The following NEGR1 variants were observed in gnomAD, a reference collection of about 807,000 sequenced individuals.
NEGR1 encodes the protein IgLON family member 4.
A neutral mutation model predicts 40.9 loss-of-function variants in NEGR1; 10 were observed. That is an observed-to-expected ratio of 0.24 (90% CI 0.15 to 0.42). NEGR1 has a LOEUF of 0.42. Among genes scored for constraint, NEGR1 ranks in the 10% least tolerant of loss-of-function variants. The probability of loss-of-function intolerance (pLI) is 1.00; values close to 1 mark genes in which losing one functional copy is unlikely to be tolerated. For missense variants in NEGR1, 352 were observed against 438.9 expected, an observed-to-expected ratio of 0.80 and a Z score of 1.77; for synonymous variants, 185 against 166.8, an observed-to-expected ratio of 1.11 and a Z score of -0.84.
chr1:71,752,688 A>G (rs972893410), intron 3 of NEGR1, among the ~76,000 whole-genome samples: 1 of 149,548 alleles, frequency 6.7e-6, no homozygotes, highest in African/African-American at 2.6e-5. Flanking sequence ...TCCCCGGTCT[A>G]TAAATCAAAT....
chr1:71,822,108 A>T (rs1658450952), intron 2 of NEGR1, among the ~76,000 whole-genome samples: 1 of 151,926 alleles, frequency 6.6e-6, no homozygotes, highest in South Asian at 2.1e-4. Flanking sequence ...GTAGTGAGGG[A>T]AAATTATTTC....
chr1:71,573,800 G>A (rs1289664348), intron 6 of NEGR1, among the ~76,000 whole-genome samples: 1 of 152,032 alleles, frequency 6.6e-6, no homozygotes, highest in African/African-American at 2.4e-5. Flanking sequence ...TTTTGAAATC[G>A]AAGCCCAGAA....
chr1:72,014,525 T>TAA (rs1646691837), intron 1 of NEGR1, among the ~76,000 whole-genome samples: 1 of 152,066 alleles, frequency 6.6e-6, no homozygotes, highest in African/African-American at 2.4e-5. Context: ...AATTCAGGTT[T>TAA]TTGAATGGTT....
intron 3 of NEGR1, among the ~76,000 whole-genome samples, chr1:71,757,532 T>C (rs1328596299): frequency 1.3e-5 from 2 of 152,102 alleles, no homozygotes; most frequent in Admixed American, 6.5e-5. Context: ...GCTATAGCTG[T>C]GTGAAAGACT....
At chr1:71,838,081 A>G (rs2101799165) in intron 2 of NEGR1, among the ~76,000 whole-genome samples, 1 of 152,134 alleles carries the variant, frequency 6.6e-6, no homozygotes, top group East Asian at 1.9e-4. Context: ...TTATTATCCC[A>G]GTTTCTAGGG....
At chr1:71,786,752 C>A (rs905297088) in intron 2 of NEGR1, among the ~76,000 whole-genome samples, 1 of 152,198 alleles carries the variant, frequency 6.6e-6, no homozygotes. Flanking sequence ...AATAGGATCT[C>A]TCCCCTTCCC....
intron 4 of NEGR1, among the ~76,000 whole-genome samples, chr1:71,668,435 C>T (rs1287224298): frequency 1.2e-4 from 19 of 152,060 alleles, no homozygotes; most frequent in Admixed American, 1.0e-3. Context: ...TTTAGTACAA[C>T]GATGAGCAAA....
At chr1:71,711,452 C>A (rs1654087609) in intron 3 of NEGR1, among the ~76,000 whole-genome samples, 1 of 119,958 alleles carries the variant, frequency 8.3e-6, no homozygotes, top group Admixed American at 1.0e-4. Context: ...TTCAGGAAGA[C>A]ATTCCACTAT....
At chr1:71,834,888 C>A (rs1347482670) in intron 2 of NEGR1, among the ~76,000 whole-genome samples, 1 of 73,320 alleles carries the variant, frequency 1.4e-5, no homozygotes, top group Non-Finnish European at 2.4e-5. Flanking sequence ...TTTAGGAGAT[C>A]ACACACACAC....
At chr1:71,557,915 T>C (rs1648304355) in intron 6 of NEGR1, among the ~76,000 whole-genome samples, 1 of 151,582 alleles carries the variant, frequency 6.6e-6, no homozygotes, top group South Asian at 2.1e-4. Context: ...GTTTCTTCAG[T>C]GTCTTTCATT....
intron 3 of NEGR1, among the ~76,000 whole-genome samples, chr1:71,723,044 C>T (rs1042067615): frequency 5.9e-5 from 9 of 151,546 alleles, no homozygotes; most frequent in Admixed American, 5.3e-4. Flanking sequence ...AAAAAAACTG[C>T]TGTAATTTTT....
intron 1 of NEGR1, among the ~76,000 whole-genome samples, chr1:72,224,906 TAAC>T (rs1267320524): frequency 6.6e-6 from 1 of 152,108 alleles, no homozygotes; most frequent in African/African-American, 2.4e-5. Flanking sequence ...TTAATTTAAT[TAAC>T]ATCATGAATT....
At chr1:72,202,155 T>C (rs1364419005) in intron 1 of NEGR1, among the ~76,000 whole-genome samples, 1 of 151,962 alleles carries the variant, frequency 6.6e-6, no homozygotes, top group African/African-American at 2.4e-5. Context: ...TATGTTACTA[T>C]TGTAACTTCT....
intron 4 of NEGR1, among the ~76,000 whole-genome samples, chr1:71,637,222 A>G (rs1445765565): frequency 5.9e-5 from 9 of 152,044 alleles, no homozygotes; most frequent in Non-Finnish European, 7.4e-5. Flanking sequence ...ATGCCAGCAT[A>G]TTATTACATA....
At chr1:72,119,595 C>T (rs951353902) in intron 1 of NEGR1, among the ~76,000 whole-genome samples, 2 of 151,814 alleles carry the variant, frequency 1.3e-5, no homozygotes, top group African/African-American at 2.4e-5. Context: ...TTCATATTGT[C>T]GTGTATATCA....
chr1:72,032,629 T>C (rs1646868818), intron 1 of NEGR1, among the ~76,000 whole-genome samples: 1 of 152,172 alleles, frequency 6.6e-6, no homozygotes, highest in Non-Finnish European at 1.5e-5. Context: ...ACACATAAAA[T>C]CTTTTTACAG....
rs138140044 is a variant in NEGR1, at chr1:71,848,864, G to T, written c.410-72567C>A. On this transcript the variant is annotated intron_variant, in intron 2 of 6. Coordinates refer to ENST00000357731, the MANE Select transcript of NEGR1 (RefSeq NM_173808.3). Reference sequence around the variant, plus strand: ...GCACTTTGGGAGGCCGAGGCGGGTGGATCACGTGGTTAGTTAGGAGTTTGA... The same window carrying T: ...GCACTTTGGGAGGCCGAGGCGGGTGTATCACGTGGTTAGTTAGGAGTTTGA... 4.5e-4 allele frequency among the ~76,000 whole-genome samples: 68 copies of T among 152,228 alleles called. 1 individual carries two copies. Among genetic ancestry groups the T allele is most frequent in the African/African-American group, 1.6e-3 (67 of 41,552 alleles).
At chr1:72,149,245 TTCACTA>T (rs1247789553) in intron 1 of NEGR1, among the ~76,000 whole-genome samples, 27 of 152,148 alleles carry the variant, frequency 1.8e-4, no homozygotes. Flanking sequence ...GTGAGACTTA[TTCACTA>T]TCACGAGAAT....
At chr1:71,538,824 T>G (rs763479833) in intron 6 of NEGR1, among the ~76,000 whole-genome samples, 4 of 151,764 alleles carry the variant, frequency 2.6e-5, no homozygotes, top group Admixed American at 6.6e-5. Flanking sequence ...AAGTTGTTAC[T>G]GTCTAATACA....
Sources: allele counts gnomAD v4.1 joint callset (sites outside exome capture counted in the v4.1 genomes callset), GRCh38; gene constraint gnomAD v4.1.1; transcripts MANE v1.5; gene names NCBI Gene and HGNC (gene_info 2026-07-23, HGNC 2026-07-21).